ZNF644: variants seen among roughly 807,000 people sequenced by gnomAD.
The protein encoded by ZNF644 is zinc finger protein 644, also known as zinc finger motif enhancer binding protein 2.
ZNF644 carries 20 observed loss-of-function variants against 108.0 expected under a neutral mutation model. The observed-to-expected ratio is 0.19, with a 90% CI of 0.13 to 0.27. The LOEUF is 0.27. Ranked by LOEUF, ZNF644 falls within the 10% of genes least tolerant of loss-of-function variation. The pLI, the probability that ZNF644 is intolerant of heterozygous loss-of-function variation, is 1.00. For synonymous variants in ZNF644, 542 were observed against 539.1 expected, an observed-to-expected ratio of 1.01 and a Z score of -0.08; for missense variants, 1,338 against 1,548.9, an observed-to-expected ratio of 0.86 and a Z score of 2.29.
At chr1:90,958,924 C>T (rs1438365588) in intron 2 of ZNF644, among the ~76,000 whole-genome samples, 1 of 143,786 alleles carries the variant, frequency 7.0e-6, no homozygotes, top group African/African-American at 2.6e-5. Context: ...TCTTTGACAT[C>T]AAAAGCACGA....
intron 1 of ZNF644, among the ~76,000 whole-genome samples, chr1:91,008,354 G>A (rs1192161717): frequency 6.6e-6 from 1 of 152,060 alleles, no homozygotes; most frequent in African/African-American, 2.4e-5. Context: ...AGCATTCCAG[G>A]GCCCTATAGC....
rs1433894249 is a variant in ZNF644 at position 90,940,281 on chromosome 1, T to A, written c.1073A>T (p.Asp358Val). Reference sequence around the variant, plus strand: ...GTTATAAATTAGATGTTGGAAGGCATCCACAGATTCTAAGTCTTCATCAGT... The same window carrying A: ...GTTATAAATTAGATGTTGGAAGGCAACCACAGATTCTAAGTCTTCATCAGT... ...ESTDEDLESVDAFQHLIYNPD... is the reference protein window; with the variant it reads ...ESTDEDLESVVAFQHLIYNPD... Residue 358 changes from aspartate (D) to valine (V), a missense_variant, in exon 3 of 6, where the codon GAT (aspartate) becomes GTT (valine). Physicochemically the swap from Asp to Val is radical, Grantham distance 152 (BLOSUM62 -3). Coordinates refer to ENST00000337393, the MANE Select transcript of ZNF644 (RefSeq NM_201269.3). 1 of 1,614,012 alleles carries A rather than the reference T, an allele frequency of 6.2e-7. No individual in the cohort carries two copies. The highest frequency in any genetic ancestry group is 8.5e-7 in the Non-Finnish European group (1 of 1,179,954).
At position 90,938,310 on chromosome 1, in the gene ZNF644, C is replaced by G. The variant is rs760344788; in HGVS notation, c.3044G>C (p.Arg1015Thr). 6.2e-7 allele frequency: 1 copy of G among 1,613,848 alleles called. No homozygotes were observed. Residue 1015 changes from arginine (R) to threonine (T), a missense_variant, in exon 3 of 6, where the codon AGA becomes ACA. Arg to Thr is a moderately conservative substitution (Grantham distance 71, BLOSUM62 -1). Around this residue, in one of 6 missense-constraint regions of ZNF644, gnomAD observed 287 missense variants for 310.9 expected, o/e 0.92. Transcript: ENST00000337393. The surrounding 1 kb of genome is among the most constrained non-coding windows in gnomAD (Gnocchi z 4.2). ...TTTAACAGGTGTTCCTGTGCCAGTT[C>G]TTTTGAAATGCTGCATTTTGTCACT... ...ATSDKMQHFK[R>T]TGTGTPVKRV... is the part of the protein sequence containing the mutation.
intron 2 of ZNF644, among the ~76,000 whole-genome samples, chr1:90,947,843 C>T (rs2101019530): frequency 6.6e-6 from 1 of 152,048 alleles, no homozygotes; most frequent in South Asian, 2.1e-4. Flanking sequence ...TTACATTAGC[C>T]TACAATTGGC....
intron 1 of ZNF644, among the ~76,000 whole-genome samples, chr1:91,004,050 G>A (rs1365842684): frequency 6.6e-6 from 1 of 152,022 alleles, no homozygotes; most frequent in Non-Finnish European, 1.5e-5. Flanking sequence ...AAAATCCATA[G>A]GGCCTAAGAA....
intron 1 of ZNF644, among the ~76,000 whole-genome samples, chr1:90,991,802 T>C (rs557443774): frequency 6.6e-5 from 10 of 152,232 alleles, no homozygotes; most frequent in South Asian, 2.1e-4. Context: ...TTCTCCAACA[T>C]TGGGAATTAC....
chr1:90,996,520 T>C (rs1459226247), intron 1 of ZNF644, among the ~76,000 whole-genome samples: 2 of 152,202 alleles, frequency 1.3e-5, no homozygotes, highest in Non-Finnish European at 2.9e-5. Context: ...CCCAGTGGCT[T>C]ATGCCTATAA....
At chr1:90,985,615 T>C (rs947953272) in intron 1 of ZNF644, among the ~76,000 whole-genome samples, 1 of 152,230 alleles carries the variant, frequency 6.6e-6, no homozygotes, top group Non-Finnish European at 1.5e-5. Flanking sequence ...GGTTCATCCA[T>C]GTTGTTGCAA....
At chr1:91,011,161 A>G (rs149111196) in intron 1 of ZNF644, among the ~76,000 whole-genome samples, 22 of 152,318 alleles carry the variant, frequency 1.4e-4, no homozygotes, top group Non-Finnish European at 5.9e-5. Flanking sequence ...TCTATACTTC[A>G]CAAAAGCTAC....
In ZNF644 at chr1:90,940,171, C is replaced by T. The variant is rs1373235661; in HGVS notation, c.1183G>A (p.Asp395Asn). The T allele has an allele frequency of 6.2e-7, 1 of 1,613,950 alleles. No homozygotes were observed. Among genetic ancestry groups the T allele is most frequent in the South Asian group, 1.1e-5 (1 of 91,068 alleles). ...NTLKKKCEES[D>N]SESPATFSTE... ...CTGAAAGTAGCAGGTGACTCAGAAT[C>T]ACTCTCTTCACATTTCTTTTTTAAG... The change falls in exon 3 of 6, where the codon GAT becomes AAT. Residue 395 changes from aspartate (D) to asparagine (N), a missense_variant. By Grantham distance (23) the Asp-to-Asn change is conservative. Transcript: ENST00000337393.
intron 2 of ZNF644, among the ~76,000 whole-genome samples, chr1:90,951,777 A>C (rs375887191): frequency 6.6e-6 from 1 of 152,262 alleles, no homozygotes; most frequent in African/African-American, 2.4e-5. Context: ...TCTAATACTA[A>C]GTTTCACAGG....
chr1:90,989,377 T>C (rs1263365599), intron 1 of ZNF644, among the ~76,000 whole-genome samples: 2 of 151,590 alleles, frequency 1.3e-5, no homozygotes, highest in African/African-American at 2.4e-5. Context: ...GGCAAGACCT[T>C]GTCTCTACTA....
chr1:90,990,057 A>T (rs541874813), intron 1 of ZNF644, among the ~76,000 whole-genome samples: 36 of 152,354 alleles, frequency 2.4e-4, no homozygotes, highest in Non-Finnish European at 4.9e-4. Flanking sequence ...TAACTGAAAT[A>T]AGCCAATCAC....
rs886371451 is a variant in ZNF644, at chr1:90,987,064, A to C, written c.-17-4694T>G. On this transcript the variant is annotated intron_variant, in intron 1 of 5. Coordinates refer to ENST00000337393, the MANE Select transcript of ZNF644 (RefSeq NM_201269.3). ...TATGGTAGCAAAAGCTTACATGTTT[A>C]AAAAAAAAAAAAACCCACAAATCAA... Among the ~76,000 whole-genome samples, 35 of 134,462 alleles carry C rather than the reference A, an allele frequency of 2.6e-4. 1 individual carries two copies. The highest frequency in any genetic ancestry group is 7.4e-3 in the Middle Eastern group (2 of 272). The allele number at this position is 134,462 out of a possible 152,430, so 88.2% of individuals were successfully genotyped here.
At chr1:90,967,913 T>G (rs1051143800) in intron 2 of ZNF644, among the ~76,000 whole-genome samples, 1 of 147,692 alleles carries the variant, frequency 6.8e-6, no homozygotes, top group African/African-American at 2.5e-5. Flanking sequence ...AAAAAAAAAT[T>G]AGCCAGGAGT....
intron 1 of ZNF644, among the ~76,000 whole-genome samples, chr1:91,010,027 C>T (rs559755907): frequency 6.6e-6 from 1 of 152,252 alleles, no homozygotes; most frequent in Non-Finnish European, 1.5e-5. Context: ...CAATCTCCCT[C>T]CAATCACGCT....
chr1:90,940,728 C>T lies in ZNF644; in HGVS notation c.626G>A (p.Gly209Glu). Residue 209 changes from glycine (G) to glutamate (E), a missense_variant, in exon 3 of 6, where the codon GGG becomes GAG. Coordinates refer to ENST00000337393, the MANE Select transcript of ZNF644 (RefSeq NM_201269.3). ...AGTGCCATCTGACTTTATATTACTCCCTACTGAATTCTGAATGTCACAACC... is the reference window on the plus strand; with the variant it reads ...AGTGCCATCTGACTTTATATTACTCTCTACTGAATTCTGAATGTCACAACC... ...SVGCDIQNSV[G>E]SNIKSDGTLI... 6.2e-7 allele frequency: 1 copy of T among 1,614,012 alleles called. No homozygotes were observed. The highest frequency in any genetic ancestry group is 8.5e-7 in the Non-Finnish European group (1 of 1,179,982).
At chr1:91,021,838 C>T (rs1277952797) in intron 1 of ZNF644, 152 bp downstream of exon 1, 4 of 397,050 alleles carry the variant, frequency 1.0e-5, no homozygotes, top group African/African-American at 2.1e-5. Flanking sequence ...ATGGCTGGGA[C>T]CCAGCCTAGG....
At chr1:91,005,697 T>C (rs76542042) in intron 1 of ZNF644, among the ~76,000 whole-genome samples, 17,350 of 152,028 alleles carry the variant, frequency 0.11, 1,053 homozygotes, top group South Asian at 0.16. Flanking sequence ...AGAAATTGCA[T>C]TGCAAATCAG....
Sources: allele counts gnomAD v4.1 joint callset (sites outside exome capture counted in the v4.1 genomes callset), GRCh38; gene constraint gnomAD v4.1.1; regional missense constraint gnomAD v4.1.1; non-coding constraint Gnocchi (gnomAD v3.1); transcripts MANE v1.5; gene names NCBI Gene and HGNC (gene_info 2026-07-23, HGNC 2026-07-21).